The following PYGM variants were observed in gnomAD, a reference collection of about 807,000 sequenced individuals.
PYGM encodes glycogen phosphorylase, muscle form.
A neutral mutation model predicts 99.3 loss-of-function variants in PYGM; 81 were observed. The observed-to-expected ratio is 0.82, with a 90% confidence interval of 0.68 to 0.98. The LOEUF is 0.98. PYGM is among the 50% of genes least tolerant of loss of function. PYGM has a pLI of 0.00. For synonymous variants in PYGM, 436 were observed against 451.5 expected (o/e 0.97, Z 0.44); for missense variants, 1,030 against 1,158.1 (o/e 0.89, Z 1.61).
intron 16 of PYGM, 53 bp from the exon 17 acceptor site, chr11:64,750,636 G>A: frequency 6.4e-7 from 1 of 1,560,238 alleles, no homozygotes; most frequent in Non-Finnish European, 8.8e-7. Flanking sequence ...CCTCACACCA[G>A]CTGGGGACTC....
rs1565530856 is a variant in PYGM at position 64,746,764 on chromosome 11, G to GGT, written c.2422_2423dup (p.Ser809ProfsTer70). The GGT allele has an allele frequency of 1.2e-6, 2 of 1,614,184 alleles. No homozygotes were observed. Among genetic ancestry groups the GGT allele is most frequent in the South Asian group, 2.2e-5 (2 of 91,088 alleles). On this transcript the variant is annotated frameshift_variant, in exon 20 of 20. Transcript: ENST00000164139. LOFTEE classifies it high-confidence loss of function. The stretch of plus-strand genomic sequence containing the variant: ...TGCGGTCACTGGAGAACTTGCCAGA[G>GGT]GTGGCTATGTTCCGGATCACCATCC...
chr11:64,751,637 T>C lies in PYGM; in HGVS notation c.1787A>G (p.Asn596Ser), dbSNP rs150622626. Residue 596 changes from asparagine to serine, a missense_variant, in exon 15 of 20, where the codon AAT (asparagine) becomes AGT (serine). Transcript: ENST00000164139. ...TLYNRIKREP[N>S]KFFVPRTVMI... ...CACAGTCCGAGGCACAAAAAACTTA[T>C]TGGGCTCCCTCTTGATGCCTGTGGA... The C allele has an allele frequency of 1.6e-4, 264 of 1,613,982 alleles. No homozygotes were observed. The African/African-American group carries it at 2.2e-3, about 14-fold the overall frequency.
Position 64,758,641 on chromosome 11 carries a change from G to C in PYGM, c.307C>G (p.Leu103Val), listed in dbSNP as rs2135840833. 1.9e-6 allele frequency: 3 copies of C among 1,613,764 alleles called. No individual in the cohort carries two copies. Among genetic ancestry groups the C allele is most frequent in the Non-Finnish European group, 8.5e-7 (1 of 1,179,668 alleles). ...TCGTCACAGGCATTCTCTAAGGCCAGGTTCACCATGGTGTTCTGTAGCGTC... is the reference window on the plus strand; with the variant it reads ...TCGTCACAGGCATTCTCTAAGGCCACGTTCACCATGGTGTTCTGTAGCGTC... ...GRTLQNTMVN[L>V]ALENACDEAT... is the part of the protein sequence containing the mutation. Residue 103 changes from leucine (L) to valine (V), a missense_variant, in exon 2 of 20, where the codon CTG becomes GTG. Coordinates refer to ENST00000164139, the MANE Select transcript of PYGM (RefSeq NM_005609.4).
At position 64,754,673 on chromosome 11, in the gene PYGM, G is replaced by A. The variant is rs201711087; in HGVS notation, c.999+20C>T. 2,694 of 1,612,092 alleles carry A rather than the reference G, an allele frequency of 1.7e-3. 1 individual carries two copies. The highest frequency in any genetic ancestry group is 2.1e-3 in the Non-Finnish European group (2,522 of 1,179,528). On this transcript the variant is annotated intron_variant, in intron 8 of 19. Coordinates refer to ENST00000164139, the MANE Select transcript of PYGM (RefSeq NM_005609.4). This position sits in a 1 kb window ranked among gnomAD's most constrained non-coding sequence, Gnocchi z 5.5. ...GCACACACTGTCCGGTCACAGAGTC[G>A]CCCTCCACACGCATGGTACCTTATC... is the stretch of plus-strand genomic sequence containing the variant.
chr11:64,760,428 G>A (rs1395611311), upstream of PYGM: 11 of 176,460 alleles, frequency 6.2e-5, no homozygotes, highest in Admixed American at 6.0e-4. Flanking sequence ...AGGGGCCCAC[G>A]ACCCTGCATT....
intron 10 of PYGM, 41 bp from the exon 11 acceptor site, chr11:64,753,723 C>G: frequency 6.3e-7 from 1 of 1,575,004 alleles, no homozygotes; most frequent in Non-Finnish European, 8.6e-7. Context: ...GACCCAGGAA[C>G]CCCCATCCCC....
Position 64,753,584 on chromosome 11 carries a change from G to A in PYGM, c.1338C>T (p.Cys446=), listed in dbSNP as rs1310037554. 6.2e-7 allele frequency: 1 copy of A among 1,607,152 alleles called. No individual in the cohort carries two copies. Among genetic ancestry groups the A allele is most frequent in the Non-Finnish European group, 8.5e-7 (1 of 1,178,684 alleles). ...CGTTGACGGCGTGCGACCCCGCGAT[G>A]CACAGGTGTGCCATGTTGATGCGCT... The part of the protein sequence containing the change: ...AVKRINMAHL[C]IAGSHAVNGV... The change falls in exon 11 of 20, where the codon TGC becomes TGT. Residue 446 remains cysteine (C), a synonymous_variant. Transcript: ENST00000164139.
rs1251806128 is a variant in PYGM, at chr11:64,755,592, C to A, written c.661-34G>T. On this transcript the variant is annotated intron_variant, in intron 5 of 19. Coordinates refer to ENST00000164139, the MANE Select transcript of PYGM (RefSeq NM_005609.4). The surrounding 1 kb of genome is among the most constrained non-coding windows in gnomAD (Gnocchi z 4.1). The stretch of plus-strand genomic sequence containing the variant: ...GGCAATCCTGTCAGGAGCTGGCCAG[C>A]CCTGGCAATTGCCTCCCTCCCCTCA... The A allele has an allele frequency of 6.4e-7, 1 of 1,565,884 alleles. No individual in the cohort carries two copies. Among genetic ancestry groups the A allele is most frequent in the South Asian group, 1.1e-5 (1 of 89,732 alleles).
At chr11:64,751,493 T>C (rs1349957398) in intron 15 of PYGM, 27 bp from the exon 16 acceptor site, 49 of 1,614,004 alleles carry the variant, frequency 3.0e-5, no homozygotes, top group Non-Finnish European at 4.0e-5. Context: ...TGGGGTCAGC[T>C]CTACTGCCTG....
At position 64,746,958 on chromosome 11, in the gene PYGM, T is replaced by C. The variant is rs2135823341; in HGVS notation, c.2342A>G (p.Tyr781Cys). ...GCTGACTTTCTCCTGGCATTTAATG[T>C]AGTCTTCATAATCTGCGAAGACTTT... ...RFKVFADYEDYIKCQEKVSAL... is the reference protein window; with the variant it reads ...RFKVFADYEDCIKCQEKVSAL... The change falls in exon 19 of 20, where the codon TAC becomes TGC. Residue 781 changes from tyrosine to cysteine, a missense_variant. Tyr to Cys is a radical substitution (Grantham distance 194, BLOSUM62 -2). Transcript: ENST00000164139. 6.2e-6 allele frequency: 10 copies of C among 1,614,200 alleles called. No individual in the cohort carries two copies. The highest frequency in any genetic ancestry group is 7.6e-6 in the Non-Finnish European group (9 of 1,180,014).
chr11:64,756,360 A>G (rs2058394451), intron 5 of PYGM, among the ~76,000 whole-genome samples: 1 of 152,244 alleles, frequency 6.6e-6, no homozygotes, highest in Non-Finnish European at 1.5e-5. Context: ...ACAAATGCTC[A>G]GTTCTGAAAG....
Position 64,753,515 on chromosome 11 carries a change from T to C in PYGM, c.1403+4A>G. ...AGGGGCGGGATCTGGAAAGCGGGGC[T>C]CACATGGTCTTCTTGAGGATCTCGG... is the stretch of plus-strand genomic sequence containing the variant. On this transcript the variant is annotated splice_donor_region_variant and intron_variant, in intron 11 of 19. Transcript: ENST00000164139. 10 of 1,584,516 alleles carry C rather than the reference T, an allele frequency of 6.3e-6. No individual in the cohort carries two copies. The highest frequency in any genetic ancestry group is 8.5e-6 in the Non-Finnish European group (10 of 1,169,806).
chr11:64,754,300 C>T lies in PYGM; in HGVS notation c.1045G>A (p.Glu349Lys). Residue 349 changes from glutamate (E) to lysine (K), a missense_variant, in exon 9 of 20, where the codon GAG (glutamate) becomes AAG (lysine). Physicochemically the swap from Glu to Lys is moderately conservative, Grantham distance 56 (BLOSUM62 1). Transcript: ENST00000164139. The surrounding 1 kb of genome is among the most constrained non-coding windows in gnomAD (Gnocchi z 5.5). ...NDTHPSLAIP[E>K]LMRILVDLER... is the part of the protein sequence containing the mutation. ...AGGTCCACCAGGATCCTCATCAGCT[C>T]GGGGATGGCCAGGGAGGGGTGGGTG... is the stretch of plus-strand genomic sequence containing the variant. The T allele has an allele frequency of 1.9e-6, 3 of 1,613,730 alleles. No individual in the cohort carries two copies. Among genetic ancestry groups the T allele is most frequent in the Non-Finnish European group, 1.7e-6 (2 of 1,179,932 alleles).
At chr11:64,758,736 G>C (rs1404296860) in intron 1 of PYGM, 32 bp from the exon 2 acceptor site, 6 of 1,549,800 alleles carry the variant, frequency 3.9e-6, no homozygotes, top group Non-Finnish European at 5.3e-6. Context: ...CAGGGAATGG[G>C]GTCAGGGCCA....
Position 64,759,706 on chromosome 11 carries a change from C to T in PYGM, c.193G>A (p.Val65Met), listed in dbSNP as rs149658961. ...ALAHTVRDHL[V>M]GRWIRTQQHY... Reference sequence around the variant, plus strand: ...TGCTGCGTGCGGATCCAGCGCCCCACGAGGTGGTCGCGCACGGTATGGGCC... The same window carrying T: ...TGCTGCGTGCGGATCCAGCGCCCCATGAGGTGGTCGCGCACGGTATGGGCC... The change falls in exon 1 of 20, where the codon GTG (valine) becomes ATG (methionine). Residue 65 changes from valine (V) to methionine (M), a missense_variant. Coordinates refer to ENST00000164139, the MANE Select transcript of PYGM (RefSeq NM_005609.4). 1.3e-4 allele frequency: 206 copies of T among 1,614,154 alleles called. No homozygotes were observed. The highest frequency in any genetic ancestry group is 1.6e-4 in the Non-Finnish European group (186 of 1,180,030).
Position 64,753,687 on chromosome 11 carries a change from G to A in PYGM, c.1240-5C>T. 4 of 1,603,862 alleles carry A rather than the reference G, an allele frequency of 2.5e-6. No individual in the cohort carries two copies. Among genetic ancestry groups the A allele is most frequent in the Non-Finnish European group, 2.5e-6 (3 of 1,177,764 alleles). ...TGGGAATGCGGCCGCCACCCGCTGTGCCCAGAGAGCCCAGAGCTAGAACCA... is the reference window on the plus strand; with the variant it reads ...TGGGAATGCGGCCGCCACCCGCTGTACCCAGAGAGCCCAGAGCTAGAACCA... On this transcript the variant is annotated splice_region_variant and splice_polypyrimidine_tract_variant and intron_variant, in intron 10 of 19. Coordinates refer to ENST00000164139, the MANE Select transcript of PYGM (RefSeq NM_005609.4).
At position 64,753,963 on chromosome 11, in the gene PYGM, C is replaced by T; in HGVS notation, c.1155G>A (p.Leu385=). The T allele has an allele frequency of 1.9e-6, 3 of 1,605,510 alleles. No homozygotes were observed. The highest frequency in any genetic ancestry group is 2.6e-6 in the Non-Finnish European group (3 of 1,175,990). The change falls in exon 10 of 20, where the codon CTG becomes CTA. Residue 385 remains leucine (L), a synonymous_variant. Transcript: ENST00000164139. ...CCAAGAGGTGCACCGGCCAGCGCTC[C>T]AGGGCCTCGGGCAGCACCGTGTGGT... ...YTNHTVLPEA[L]ERWPVHLLET...
At chr11:64,760,023 GC>G, upstream of PYGM, 1 of 1,417,190 alleles carries the variant, frequency 7.1e-7, no homozygotes. Flanking sequence ...TGGGCAGCAC[GC>G]CCCGCCTCCC....
intron 11 of PYGM, 29 bp downstream of exon 11, chr11:64,753,489 GA>G (rs760409365): frequency 1.3e-6 from 2 of 1,560,236 alleles, no homozygotes; most frequent in Admixed American, 1.8e-5. Context: ...GGGGCCTAGA[GA>G]GGGGCGGGAT....
Sources: allele counts gnomAD v4.1 joint callset (sites outside exome capture counted in the v4.1 genomes callset), GRCh38; gene constraint gnomAD v4.1.1; non-coding constraint Gnocchi (gnomAD v3.1); transcripts MANE v1.5; gene names NCBI Gene and HGNC (gene_info 2026-07-23, HGNC 2026-07-21).